NTF3: variants seen among roughly 807,000 people sequenced by gnomAD.
NTF3 encodes the protein neurotrophin 3, also known as neurotrophin-3.
NTF3 carries 8 observed loss-of-function variants against 26.3 expected under a neutral mutation model. The ratio of observed to expected loss-of-function variants is 0.30; its 90% confidence interval spans 0.18 to 0.55. The LOEUF (loss-of-function observed/expected upper bound fraction) is 0.55, where lower values mean the gene tolerates loss of function less well. NTF3 is among the 20% of genes least tolerant of loss of function. NTF3 has a pLI of 0.93. For synonymous variants in NTF3, 154 were observed against 145.5 expected (o/e 1.06, Z -0.42); for missense variants, 276 against 352.9 (o/e 0.78, Z 1.75).
chr12:5,494,502 G>A lies in NTF3; in HGVS notation c.327G>A (p.Gln109=). 2 of 1,613,956 alleles carry A rather than the reference G, an allele frequency of 1.2e-6. No individual in the cohort carries two copies. Among genetic ancestry groups the A allele is most frequent in the Non-Finnish European group, 1.7e-6 (2 of 1,180,040 alleles). The change falls in exon 2 of 2, where the codon CAG becomes CAA. Residue 109 remains glutamine (Q), a synonymous_variant. Coordinates refer to ENST00000423158, the MANE Select transcript of NTF3 (RefSeq NM_001102654.2). This position sits in a 1 kb window ranked among gnomAD's most constrained non-coding sequence, Gnocchi z 8.3. ...TGGACACCGAACTGCTGCGACAACA[G>A]AGACGCTACAACTCACCGCGGGTCC... The part of the protein sequence containing the change: ...IAMDTELLRQ[Q]RRYNSPRVLL...
intron 1 of NTF3, among the ~76,000 whole-genome samples, chr12:5,481,896 AAC>A (rs1434053393): frequency 1.3e-5 from 2 of 151,728 alleles, no homozygotes; most frequent in East Asian, 1.9e-4. Flanking sequence ...ACATATACAC[AAC>A]ACACAGACAC....
intron 1 of NTF3, among the ~76,000 whole-genome samples, chr12:5,437,523 A>G (rs988081642): frequency 2.0e-5 from 3 of 152,178 alleles, no homozygotes; most frequent in Admixed American, 6.5e-5. Context: ...TTTCCTGAGC[A>G]GTTACAGCAC....
Position 5,432,134 on chromosome 12 carries a change from C to T in NTF3, c.-191C>T. On this transcript the variant is annotated 5_prime_UTR_variant, in exon 1 of 2. Transcript: ENST00000423158. The stretch of plus-strand genomic sequence containing the variant: ...CTCAGAGTTGAAGCTCCTCTCCCTT[C>T]CGAACAGCTCCGCGCACCGCCCCGC... 1 of 683,892 alleles carries T rather than the reference C, an allele frequency of 1.5e-6. No individual in the cohort carries two copies. The highest frequency in any genetic ancestry group is 2.6e-6 in the Non-Finnish European group (1 of 381,210). 42.4% of individuals were successfully genotyped at this position (683,892 alleles called of 1,614,324 possible).
intron 1 of NTF3, among the ~76,000 whole-genome samples, chr12:5,445,866 C>T (rs1940299378): frequency 6.6e-6 from 1 of 152,188 alleles, no homozygotes; most frequent in South Asian, 2.1e-4. Context: ...GGATGTTCAA[C>T]TAATATGGGC....
intron 1 of NTF3, among the ~76,000 whole-genome samples, chr12:5,490,595 A>G (rs896954618): frequency 1.3e-5 from 2 of 152,206 alleles, no homozygotes; most frequent in Non-Finnish European, 2.9e-5. Flanking sequence ...CACCCCGGAC[A>G]TGGAGTGAGA....
At chr12:5,439,477 A>T (rs1565383466) in intron 1 of NTF3, among the ~76,000 whole-genome samples, 1 of 152,188 alleles carries the variant, frequency 6.6e-6, no homozygotes, top group Admixed American at 6.5e-5. Flanking sequence ...TGGTCACCCC[A>T]TAGGGTAACC....
At chr12:5,493,983 G>A (rs1042614725) in intron 1 of NTF3, 4 of 584,690 alleles carry the variant, frequency 6.8e-6, no homozygotes, top group South Asian at 4.3e-5. Flanking sequence ...AAGCAGAGTC[G>A]GCAGACCTGG....
In NTF3 at chr12:5,446,743, A is replaced by G. The variant is rs138204046; in HGVS notation, c.18+14401A>G. 3.8e-3 allele frequency among the ~76,000 whole-genome samples: 583 copies of G among 152,336 alleles called. 8 individuals are homozygous for G. Among genetic ancestry groups the G allele is most frequent in the South Asian group, 5.0e-3 (24 of 4,824 alleles). On this transcript the variant is annotated intron_variant, in intron 1 of 1. Coordinates refer to ENST00000423158, the MANE Select transcript of NTF3 (RefSeq NM_001102654.2). ...CTCATTTACAACTTTTGCAAAAGATATTACTATGTATGCTGTCAGGCATGC... is the reference window on the plus strand; with the variant it reads ...CTCATTTACAACTTTTGCAAAAGATGTTACTATGTATGCTGTCAGGCATGC...
At chr12:5,441,559 C>T (rs1940236738) in intron 1 of NTF3, among the ~76,000 whole-genome samples, 1 of 152,218 alleles carries the variant, frequency 6.6e-6, no homozygotes, top group Non-Finnish European at 1.5e-5. Flanking sequence ...CCTGATGCCA[C>T]TTAGCAGCCT....
rs1249174212 is a variant in NTF3, at chr12:5,456,099, T to C, written c.18+23757T>C. On this transcript the variant is annotated intron_variant, in intron 1 of 1. Transcript: ENST00000423158. This position sits in a 1 kb window ranked among gnomAD's most constrained non-coding sequence, Gnocchi z 4.4. ...TCCGGACCTCCAGTCAATGGTGGGC[T>C]GTCAGTCGTCAGCTGAGGTTGAGCT... Among the ~76,000 whole-genome samples the C allele has an allele frequency of 2.0e-5, 3 of 152,196 alleles. No individual in the cohort carries two copies. The highest frequency in any genetic ancestry group is 4.4e-5 in the Non-Finnish European group (3 of 68,034).
upstream of NTF3, among the ~76,000 whole-genome samples, chr12:5,430,497 G>A (rs1394239689): frequency 6.6e-6 from 1 of 151,806 alleles, no homozygotes. Flanking sequence ...CTCGGTGGGC[G>A]CTTCTGGCGG....
intron 1 of NTF3, among the ~76,000 whole-genome samples, chr12:5,451,100 T>C (rs1350641025): frequency 1.3e-5 from 2 of 152,198 alleles, no homozygotes; most frequent in African/African-American, 4.8e-5. Flanking sequence ...TCCAGTGCCT[T>C]ACACCTTCTT....
At chr12:5,490,241 C>T (rs963263276) in intron 1 of NTF3, among the ~76,000 whole-genome samples, 1 of 152,192 alleles carries the variant, frequency 6.6e-6, no homozygotes, top group Non-Finnish European at 1.5e-5. Context: ...GCAGGCTCTC[C>T]AGCCAGTAAG....
At chr12:5,452,485 G>T (rs985195353) in intron 1 of NTF3, among the ~76,000 whole-genome samples, 2 of 152,070 alleles carry the variant, frequency 1.3e-5, no homozygotes, top group Non-Finnish European at 2.9e-5. Flanking sequence ...TTGCTTCTGG[G>T]GCACATTTTC....
intron 1 of NTF3, among the ~76,000 whole-genome samples, chr12:5,467,271 G>C (rs916818919): frequency 7.0e-6 from 1 of 142,548 alleles, no homozygotes; most frequent in African/African-American, 2.7e-5. Flanking sequence ...AAAGTCGGGG[G>C]CTTGCCAAGC....
chr12:5,473,602 G>T (rs879568909), intron 1 of NTF3, among the ~76,000 whole-genome samples: 3 of 152,226 alleles, frequency 2.0e-5, no homozygotes, highest in Non-Finnish European at 4.4e-5. Context: ...AAACCCTGCT[G>T]GGGGAATCAT....
Position 5,451,780 on chromosome 12 carries a change from A to G in NTF3, c.18+19438A>G, listed in dbSNP as rs571082984. Among the ~76,000 whole-genome samples, 32 of 152,168 alleles carry G rather than the reference A, an allele frequency of 2.1e-4. No homozygotes were observed. The East Asian group carries it at 5.8e-3, about 28-fold the overall frequency. ...GCACTCATGGTTCACTGCAACCTCC[A>G]ATTCCTGGGCTCAAGCGATCCTCTT... On this transcript the variant is annotated intron_variant, in intron 1 of 1. Transcript: ENST00000423158.
At chr12:5,463,671 A>G (rs1940551434) in intron 1 of NTF3, among the ~76,000 whole-genome samples, 1 of 152,210 alleles carries the variant, frequency 6.6e-6, no homozygotes, top group Non-Finnish European at 1.5e-5. Context: ...ACTCTTCTTT[A>G]TGATGAAATT....
upstream of NTF3, among the ~76,000 whole-genome samples, chr12:5,431,484 G>C (rs905095486): frequency 6.6e-6 from 1 of 152,102 alleles, no homozygotes; most frequent in Non-Finnish European, 1.5e-5. Context: ...TCCTGGGTGC[G>C]GGTCCCCGGG....
Sources: gnomAD v4.1 joint callset for allele counts (sites outside exome capture counted in the v4.1 genomes callset) on GRCh38, gnomAD v4.1.1 for gene constraint, Gnocchi (gnomAD v3.1) non-coding constraint, MANE v1.5 for transcripts, NCBI Gene and HGNC (gene_info 2026-07-23, HGNC 2026-07-21) for gene names.